Variants in TCERG1L observed in about 807,000 individuals in gnomAD.
TCERG1L encodes transcription elongation regulator 1-like protein.
TCERG1L carries 37 observed loss-of-function variants against 56.3 expected under a neutral mutation model. The ratio of observed to expected loss-of-function variants is 0.66; its 90% CI spans 0.51 to 0.87. TCERG1L has a LOEUF of 0.87. Ranked by LOEUF, TCERG1L falls within the 40% of genes least tolerant of loss-of-function variation. The pLI, the probability that TCERG1L is intolerant of heterozygous loss-of-function variation, is 0.00. For synonymous variants in TCERG1L, 324 were observed against 326.3 expected (o/e 0.99, Z 0.08); for missense variants, 799 against 774.2 (o/e 1.03, Z -0.38).
chr10:131,094,673 C>A (rs1036795539), intron 11 of TCERG1L, among the ~76,000 whole-genome samples: 1 of 152,000 alleles, frequency 6.6e-6, no homozygotes, highest in African/African-American at 2.4e-5. Context: ...GCCTTCCCTT[C>A]CTCCTTCCTT....
chr10:131,170,126 C>G (rs1230917712), intron 4 of TCERG1L, among the ~76,000 whole-genome samples: 3 of 152,154 alleles, frequency 2.0e-5, no homozygotes, highest in Admixed American at 6.5e-5. Flanking sequence ...AACCGGCACT[C>G]TTTCACAGTC....
chr10:131,202,827 G>A (rs1199478321), intron 4 of TCERG1L, among the ~76,000 whole-genome samples: 1 of 151,990 alleles, frequency 6.6e-6, no homozygotes, highest in Admixed American at 6.6e-5. Flanking sequence ...CTTCTAAATT[G>A]TTTCCATTTT....
chr10:131,261,940 A>G (rs1846240488), intron 3 of TCERG1L, among the ~76,000 whole-genome samples: 1 of 152,110 alleles, frequency 6.6e-6, no homozygotes, highest in Non-Finnish European at 1.5e-5. Flanking sequence ...CTCCCTGCTG[A>G]CCCCTAGAGA....
At chr10:131,289,246 G>A (rs986852803) in intron 3 of TCERG1L, among the ~76,000 whole-genome samples, 1 of 151,704 alleles carries the variant, frequency 6.6e-6, no homozygotes, top group African/African-American at 2.4e-5. Flanking sequence ...TCACGTGACG[G>A]AGAAGAGTCT....
chr10:131,248,249 C>T (rs1753126745), intron 4 of TCERG1L, among the ~76,000 whole-genome samples: 1 of 143,462 alleles, frequency 7.0e-6, no homozygotes, highest in Non-Finnish European at 1.5e-5. Flanking sequence ...GACTCACACA[C>T]ACTGATAAAC....
At chr10:131,155,893 CAT>C (rs1564803387) in intron 6 of TCERG1L, 1 of 152,284 alleles carries the variant, frequency 6.6e-6, no homozygotes, top group Non-Finnish European at 1.5e-5. Flanking sequence ...ACCACACTGA[CAT>C]TTAATTCAAC....
chr10:131,155,638 G>A (rs894345833), intron 6 of TCERG1L, among the ~76,000 whole-genome samples: 8 of 152,184 alleles, frequency 5.3e-5, no homozygotes, highest in Non-Finnish European at 1.2e-4. Flanking sequence ...CCCGCCAGTC[G>A]CCAGTGGAAG....
chr10:131,206,809 C>A (rs1171842986), intron 4 of TCERG1L, among the ~76,000 whole-genome samples: 2 of 152,008 alleles, frequency 1.3e-5, no homozygotes, highest in Non-Finnish European at 2.9e-5. Context: ...TTGAAGAGGA[C>A]AAGATCATGA....
chr10:131,150,491 C>T (rs1179117905), intron 6 of TCERG1L, among the ~76,000 whole-genome samples: 1 of 152,242 alleles, frequency 6.6e-6, no homozygotes, highest in African/African-American at 2.4e-5. Flanking sequence ...CCCATCCAAT[C>T]CCAACCCTCC....
intron 3 of TCERG1L, among the ~76,000 whole-genome samples, chr10:131,269,691 C>T (rs1334663204): frequency 6.6e-6 from 1 of 152,190 alleles, no homozygotes; most frequent in Non-Finnish European, 1.5e-5. Context: ...TCATAGATCA[C>T]CACAACAGAC....
chr10:131,285,016 A>G (rs1564833689), intron 3 of TCERG1L, among the ~76,000 whole-genome samples: 1 of 152,144 alleles, frequency 6.6e-6, no homozygotes. Flanking sequence ...AAAAAAGAGG[A>G]GCCACTTCCC....
intron 5 of TCERG1L, among the ~76,000 whole-genome samples, chr10:131,163,519 T>C (rs1457911897): frequency 6.6e-6 from 1 of 152,008 alleles, no homozygotes; most frequent in African/African-American, 2.4e-5. Flanking sequence ...AGGTCTGAGG[T>C]CTTTGGGACA....
intron 1 of TCERG1L, among the ~76,000 whole-genome samples, chr10:131,309,624 A>G (rs1846857293): frequency 6.6e-6 from 1 of 152,126 alleles, no homozygotes; most frequent in African/African-American, 2.4e-5. Flanking sequence ...TGAAGAAGAG[A>G]AATGCTGGGT....
chr10:131,238,368 C>T (rs1358162054), intron 4 of TCERG1L, among the ~76,000 whole-genome samples: 1 of 152,182 alleles, frequency 6.6e-6, no homozygotes, highest in Non-Finnish European at 1.5e-5. Flanking sequence ...GAGGTCAGCC[C>T]TCAGAAGGGG....
At chr10:131,163,320 GTA>G in intron 5 of TCERG1L, 110 bp from the exon 6 acceptor site, 1 of 853,210 alleles carries the variant, frequency 1.2e-6, no homozygotes, top group South Asian at 1.9e-5. Context: ...GCAGCTTATA[GTA>G]GCCACGAGAT....
intron 3 of TCERG1L, among the ~76,000 whole-genome samples, chr10:131,301,249 C>T (rs150698993): frequency 2.0e-5 from 3 of 152,122 alleles, no homozygotes; most frequent in Non-Finnish European, 2.9e-5. Flanking sequence ...TTTTAACAAA[C>T]GTGGAGGATT....
In TCERG1L at chr10:131,309,272, G is replaced by A. The variant is rs1441854573; in HGVS notation, c.370C>T (p.Leu124=). The A allele has an allele frequency of 6.3e-6, 10 of 1,599,032 alleles. No homozygotes were observed. In the Middle Eastern group the frequency reaches 5.0e-4, roughly 80 times the overall value. ...ACTGTGGAAGAGGGGGGCAGTCCTA[G>A]GGACGGAGAATGGCCACCAAACAGC... The part of the protein sequence containing the change: ...QWLFGGHSPS[L]GLPPSSTVEL... The change falls in exon 2 of 12, where the codon CTA becomes TTA. Residue 124 remains leucine, a synonymous_variant. Transcript: ENST00000368642.
intron 3 of TCERG1L, among the ~76,000 whole-genome samples, chr10:131,286,827 C>T (rs1421095212): frequency 6.6e-6 from 1 of 152,164 alleles, no homozygotes; most frequent in African/African-American, 2.4e-5. Flanking sequence ...CGCAAATGAG[C>T]TTGGTTGTTA....
intron 4 of TCERG1L, among the ~76,000 whole-genome samples, chr10:131,183,020 T>G (rs1690903435): frequency 6.6e-6 from 1 of 152,228 alleles, no homozygotes; most frequent in Non-Finnish European, 1.5e-5. Flanking sequence ...AACGTCAGGC[T>G]GCACAATCCA....
Sources: gnomAD v4.1 joint callset for allele counts (sites outside exome capture counted in the v4.1 genomes callset) on GRCh38, gnomAD v4.1.1 for gene constraint, MANE v1.5 for transcripts, NCBI Gene and HGNC (gene_info 2026-07-23, HGNC 2026-07-21) for gene names.